CD14: variants seen among roughly 807,000 people sequenced by gnomAD.
CD14 encodes monocyte differentiation antigen CD14.
A neutral mutation model predicts 2.5 loss-of-function variants in CD14; 4 were observed. The observed-to-expected ratio is 1.63, with a 90% CI of 0.80 to 3.72. CD14 has a LOEUF of 3.72. CD14 is among the 30% of genes most tolerant of loss of function. The pLI is 0.01. For missense variants in CD14, 478 were observed against 497.8 expected, an observed-to-expected ratio of 0.96 and a Z score of 0.38; for synonymous variants, 236 against 235.1, an observed-to-expected ratio of 1.00 and a Z score of -0.04.
At chr5:140,633,021 C>T (rs756442657) in intron 1 of CD14, 41 bp from the exon 2 acceptor site, 3 of 1,614,178 alleles carry the variant, frequency 1.9e-6, no homozygotes, top group Non-Finnish European at 2.5e-6. Flanking sequence ...CATCCAACCC[C>T]TGTGGCTCCC....
chr5:140,632,831 A>T lies in CD14; in HGVS notation c.153T>A (p.Cys51Ter), dbSNP rs1204202805. 1 of 1,614,036 alleles carries T rather than the reference A, an allele frequency of 6.2e-7. No homozygotes were observed. Among genetic ancestry groups the T allele is most frequent in the East Asian group, 2.2e-5 (1 of 44,866 alleles). The change falls in exon 2 of 2, where the codon TGT (cysteine) becomes TGA (stop). Residue 51 changes from cysteine to a stop codon, truncating the protein, a stop_gained. Transcript: ENST00000302014. LOFTEE classifies it low-confidence loss of function (END_TRUNC). This position sits in a 1 kb window ranked among gnomAD's most constrained non-coding sequence, Gnocchi z 6.2. ...PQPDWSEAFQ[C>*]VSAVEVEIHA... The stretch of plus-strand genomic sequence containing the variant: ...GGATCTCCACCTCTACTGCAGACAC[A>T]CACTGGAAGGCTTCGGACCAGTCGG...
Position 140,632,927 on chromosome 5 carries a change from C to T in CD14, c.57G>A (p.Ala19=). The T allele has an allele frequency of 6.2e-7, 1 of 1,614,102 alleles. No individual in the cohort carries two copies. The highest frequency in any genetic ancestry group is 1.1e-5 in the South Asian group (1 of 91,072). The part of the protein sequence containing the change: ...LLLLPLVHVS[A]TTPEPCELDD... ...CCAGCTCACAAGGTTCTGGCGTGGT[C>T]GCAGAGACGTGCACCAGCGGCAGCA... is the stretch of plus-strand genomic sequence containing the variant. Residue 19 remains alanine, a synonymous_variant, in exon 2 of 2, where the codon GCG becomes GCA. Coordinates refer to ENST00000302014, the MANE Select transcript of CD14 (RefSeq NM_000591.4). This position sits in a 1 kb window ranked among gnomAD's most constrained non-coding sequence, Gnocchi z 6.2.
chr5:140,631,793 G>C lies in CD14; in HGVS notation c.*63C>G, dbSNP rs572346481. ...TTGAATTGGTCGAAAAGTCCTCAAC[G>C]TCCTGACGGGACTCCCCTGAAGCCA... is the stretch of plus-strand genomic sequence containing the variant. On this transcript the variant is annotated 3_prime_UTR_variant, in exon 2 of 2. Transcript: ENST00000302014. The C allele has an allele frequency of 6.9e-7, 1 of 1,447,914 alleles. No individual in the cohort carries two copies. Among genetic ancestry groups the C allele is most frequent in the African/African-American group, 1.4e-5 (1 of 70,570 alleles). The allele number at this position is 1,447,914 out of a possible 1,614,324, so 89.7% of individuals were successfully genotyped here.
At position 140,632,455 on chromosome 5, in the gene CD14, T is replaced by C; in HGVS notation, c.529A>G (p.Ile177Val). Residue 177 changes from isoleucine to valine, a missense_variant, in exon 2 of 2, where the codon ATT (isoleucine) becomes GTT (valine). Ile to Val is a conservative substitution (Grantham distance 29). Coordinates refer to ENST00000302014, the MANE Select transcript of CD14 (RefSeq NM_000591.4). This position sits in a 1 kb window ranked among gnomAD's most constrained non-coding sequence, Gnocchi z 6.2. ...WLKPGLKVLS[I>V]AQAHSPAFSC... ...AAGGCAGGCGAGTGTGCTTGGGCAA[T>C]GCTCAGTACCTTGAGGCCTGGCTTG... The C allele has an allele frequency of 1.9e-6, 3 of 1,614,196 alleles. No individual in the cohort carries two copies. The highest frequency in any genetic ancestry group is 2.5e-6 in the Non-Finnish European group (3 of 1,180,040).
rs762609261 is a variant in CD14 at position 140,632,192 on chromosome 5, G to T, written c.792C>A (p.Thr264=). Reference sequence around the variant, plus strand: ...TGCATCTCGGAGCGCTAGGGTTTACGGTGGCGCGCAGCGAGTTGTGGCTGA... The same window carrying T: ...TGCATCTCGGAGCGCTAGGGTTTACTGTGGCGCGCAGCGAGTTGTGGCTGA... ...LDLSHNSLRA[T]VNPSAPRCMW... is the part of the protein sequence containing the mutation. The change falls in exon 2 of 2, where the codon ACC becomes ACA. Residue 264 remains threonine, a synonymous_variant. Transcript: ENST00000302014. The surrounding 1 kb of genome is among the most constrained non-coding windows in gnomAD (Gnocchi z 6.2). 6.2e-7 allele frequency: 1 copy of T among 1,613,696 alleles called. No individual in the cohort carries two copies.
In CD14 at chr5:140,631,776, G is replaced by T; in HGVS notation, c.*80C>A. On this transcript the variant is annotated 3_prime_UTR_variant, in exon 2 of 2. Transcript: ENST00000302014. ...AAAGGTGGGGCAAAGGGTTGAATTG[G>T]TCGAAAAGTCCTCAACGTCCTGACG... 1 of 1,343,650 alleles carries T rather than the reference G, an allele frequency of 7.4e-7. No homozygotes were observed. Among genetic ancestry groups the T allele is most frequent in the Non-Finnish European group, 1.0e-6 (1 of 976,892 alleles). The allele number at this position is 1,343,650 out of a possible 1,614,324, so 83.2% of individuals were successfully genotyped here. A position where few individuals can be genotyped will look rare whatever the true frequency, so the allele number is the denominator to read the frequency against.
Position 140,632,879 on chromosome 5 carries a change from G to A in CD14, c.105C>T (p.Val35=). 1 of 1,614,200 alleles carries A rather than the reference G, an allele frequency of 6.2e-7. No homozygotes were observed. The highest frequency in any genetic ancestry group is 8.5e-7 in the Non-Finnish European group (1 of 1,180,032). Residue 35 remains valine, a synonymous_variant, in exon 2 of 2, where the codon GTC becomes GTT. Transcript: ENST00000302014. The surrounding 1 kb of genome is among the most constrained non-coding windows in gnomAD (Gnocchi z 6.2). The stretch of plus-strand genomic sequence containing the variant: ...CGGGCTGAGGTTCGGAGAAGTTGCA[G>A]ACGCAGCGGAAATCTTCATCGTCCA... ...CELDDEDFRC[V]CNFSEPQPDW...
Position 140,633,125 on chromosome 5 carries a change from A to C in CD14, c.-54T>G. ...TCCGGACAGGCTCTGGAAGTGCTTT[A>C]GCTTCTTTCCTACACAGCGGCACCC... is the stretch of plus-strand genomic sequence containing the variant. On this transcript the variant is annotated 5_prime_UTR_variant, in exon 1 of 2. Transcript: ENST00000302014. The C allele has an allele frequency of 1.9e-6, 3 of 1,612,032 alleles. No individual in the cohort carries two copies. The highest frequency in any genetic ancestry group is 3.3e-5 in the Admixed American group (2 of 59,836).
chr5:140,632,214 C>T lies in CD14; in HGVS notation c.770G>A (p.Ser257Asn), dbSNP rs561484655. 6 of 1,613,544 alleles carry T rather than the reference C, an allele frequency of 3.7e-6. No homozygotes were observed. In the South Asian group the frequency reaches 5.5e-5, roughly 15 times the overall value. Reference sequence around the variant, plus strand: ...TACGGTGGCGCGCAGCGAGTTGTGGCTGAGGTCTAGGCTGTGGGGCTGCAC... The same window carrying T: ...TACGGTGGCGCGCAGCGAGTTGTGGTTGAGGTCTAGGCTGTGGGGCTGCAC... Reference protein sequence around the residue: ...AGVQPHSLDLSHNSLRATVNP... With the variant: ...AGVQPHSLDLNHNSLRATVNP... The change falls in exon 2 of 2, where the codon AGC (serine) becomes AAC (asparagine). Residue 257 changes from serine (S) to asparagine (N), a missense_variant. Coordinates refer to ENST00000302014, the MANE Select transcript of CD14 (RefSeq NM_000591.4). The surrounding 1 kb of genome is among the most constrained non-coding windows in gnomAD (Gnocchi z 6.2).
rs376705908 is a variant in CD14 at position 140,632,340 on chromosome 5, G to A, written c.644C>T (p.Ala215Val). Reference sequence around the variant, plus strand: ...GGCCGGGAACTTGTGGGGACAGAGAGCCGCCATCAGTCCGCGTTCGCCCAG... The same window carrying A: ...GGCCGGGAACTTGTGGGGACAGAGAACCGCCATCAGTCCGCGTTCGCCCAG... ...PGLGERGLMA[A>V]LCPHKFPAIQ... The change falls in exon 2 of 2, where the codon GCT becomes GTT. Residue 215 changes from alanine to valine, a missense_variant. Physicochemically the swap from Ala to Val is moderately conservative, Grantham distance 64. Coordinates refer to ENST00000302014, the MANE Select transcript of CD14 (RefSeq NM_000591.4). The surrounding 1 kb of genome is among the most constrained non-coding windows in gnomAD (Gnocchi z 6.2). 22 of 1,614,104 alleles carry A rather than the reference G, an allele frequency of 1.4e-5. No homozygotes were observed. The South Asian group carries it at 1.4e-4, about 10-fold the overall frequency.
rs1323013200 is a variant in CD14 at position 140,632,360 on chromosome 5, G to A, written c.624C>T (p.Gly208=). 6.2e-7 allele frequency: 1 copy of A among 1,614,094 alleles called. No homozygotes were observed. Among genetic ancestry groups the A allele is most frequent in the Admixed American group, 1.7e-5 (1 of 60,034 alleles). The change falls in exon 2 of 2, where the codon GGC becomes GGT. Residue 208 remains glycine, a synonymous_variant. Transcript: ENST00000302014. This position sits in a 1 kb window ranked among gnomAD's most constrained non-coding sequence, Gnocchi z 6.2. ...SLDLSDNPGL[G]ERGLMAALCP... The stretch of plus-strand genomic sequence containing the variant: ...AGAGAGCCGCCATCAGTCCGCGTTC[G>A]CCCAGTCCAGGATTGTCAGACAGGT...
Position 140,631,824 on chromosome 5 carries a change from G to GT in CD14, c.*31dup. 1 of 1,517,846 alleles carries GT rather than the reference G, an allele frequency of 6.6e-7. No individual in the cohort carries two copies. The allele number at this position is 1,517,846 out of a possible 1,614,324, so 94.0% of individuals were successfully genotyped here. On this transcript the variant is annotated 3_prime_UTR_variant, in exon 2 of 2. Transcript: ENST00000302014. ...ACGGGACTCCCCTGAAGCCAAGGCA[G>GT]TTTGAGTCCATTCATTATTCTGTCT...
At position 140,631,738 on chromosome 5, in the gene CD14, T is replaced by C. The variant is rs1756578311; in HGVS notation, c.*118A>G. On this transcript the variant is annotated 3_prime_UTR_variant, in exon 2 of 2. Coordinates refer to ENST00000302014, the MANE Select transcript of CD14 (RefSeq NM_000591.4). ...TAAATGAATGACACGGACCCGTTGT[T>C]TAAGATTTTAATAAAGGTGGGGCAA... is the stretch of plus-strand genomic sequence containing the variant. The C allele has an allele frequency of 1.0e-6, 1 of 971,690 alleles. No individual in the cohort carries two copies. Among genetic ancestry groups the C allele is most frequent in the Non-Finnish European group, 1.6e-6 (1 of 641,658 alleles). 60.2% of individuals were successfully genotyped at this position (971,690 alleles called of 1,614,324 possible). A position where few individuals can be genotyped will look rare whatever the true frequency, so the allele number is the denominator to read the frequency against.
In CD14 at chr5:140,631,898, C is replaced by G. The variant is rs1248736613; in HGVS notation, c.1086G>C (p.Ser362=). ...CCCCTTGGAGCAGCACCAGGGTTCC[C>G]GACACCCCCACCGACAGGGTCGAAC... The part of the protein sequence containing the change: ...CARSTLSVGV[S]GTLVLLQGAR... Residue 362 remains serine, a synonymous_variant, in exon 2 of 2, where the codon TCG becomes TCC. Coordinates refer to ENST00000302014, the MANE Select transcript of CD14 (RefSeq NM_000591.4). 1 of 1,592,048 alleles carries G rather than the reference C, an allele frequency of 6.3e-7. No individual in the cohort carries two copies. The highest frequency in any genetic ancestry group is 8.6e-7 in the Non-Finnish European group (1 of 1,164,832).
At position 140,632,888 on chromosome 5, in the gene CD14, G is replaced by GAA; in HGVS notation, c.94_95dup (p.Arg33SerfsTer24). 1.2e-6 allele frequency: 2 copies of GAA among 1,614,206 alleles called. No individual in the cohort carries two copies. Among genetic ancestry groups the GAA allele is most frequent in the Non-Finnish European group, 1.7e-6 (2 of 1,180,040 alleles). On this transcript the variant is annotated frameshift_variant, in exon 2 of 2. Transcript: ENST00000302014. LOFTEE classifies it low-confidence loss of function (END_TRUNC). This position sits in a 1 kb window ranked among gnomAD's most constrained non-coding sequence, Gnocchi z 6.2. ...GTTCGGAGAAGTTGCAGACGCAGCGGAAATCTTCATCGTCCAGCTCACAAG... is the reference window on the plus strand; with the variant it reads ...GTTCGGAGAAGTTGCAGACGCAGCGGAAAAATCTTCATCGTCCAGCTCACAAG...
intron 1 of CD14, 32 bp from the exon 2 acceptor site, chr5:140,633,012 A>G: frequency 1.9e-6 from 3 of 1,614,090 alleles, no homozygotes; most frequent in Non-Finnish European, 2.5e-6. Context: ...AGGAGGCCCC[A>G]TCCAACCCCT....
rs1173990207 is a variant in CD14, at chr5:140,632,855, G to T, written c.129C>A (p.Pro43=). 6 of 1,614,074 alleles carry T rather than the reference G, an allele frequency of 3.7e-6. No individual in the cohort carries two copies. In the East Asian group the frequency reaches 1.3e-4, roughly 36 times the overall value. Reference sequence around the variant, plus strand: ...CACACTGGAAGGCTTCGGACCAGTCGGGCTGAGGTTCGGAGAAGTTGCAGA... The same window carrying T: ...CACACTGGAAGGCTTCGGACCAGTCTGGCTGAGGTTCGGAGAAGTTGCAGA... ...RCVCNFSEPQ[P]DWSEAFQCVS... is the part of the protein sequence containing the mutation. Residue 43 remains proline, a synonymous_variant, in exon 2 of 2, where the codon CCC becomes CCA. Coordinates refer to ENST00000302014, the MANE Select transcript of CD14 (RefSeq NM_000591.4). The surrounding 1 kb of genome is among the most constrained non-coding windows in gnomAD (Gnocchi z 6.2).
Position 140,632,464 on chromosome 5 carries a change from C to T in CD14, c.520G>A (p.Val174Ile). 4 of 1,614,192 alleles carry T rather than the reference C, an allele frequency of 2.5e-6. No individual in the cohort carries two copies. Among genetic ancestry groups the T allele is most frequent in the Non-Finnish European group, 2.5e-6 (3 of 1,180,052 alleles). Reference sequence around the variant, plus strand: ...GAGTGTGCTTGGGCAATGCTCAGTACCTTGAGGCCTGGCTTGAGCCACTGC... The same window carrying T: ...GAGTGTGCTTGGGCAATGCTCAGTATCTTGAGGCCTGGCTTGAGCCACTGC... ...LQQWLKPGLK[V>I]LSIAQAHSPA... The change falls in exon 2 of 2, where the codon GTA (valine) becomes ATA (isoleucine). Residue 174 changes from valine to isoleucine, a missense_variant. By Grantham distance (29) the Val-to-Ile change is conservative. Transcript: ENST00000302014. This position sits in a 1 kb window ranked among gnomAD's most constrained non-coding sequence, Gnocchi z 6.2.
chr5:140,631,785 T>A lies in CD14; in HGVS notation c.*71A>T, dbSNP rs1756579808. 7.1e-6 allele frequency: 10 copies of A among 1,406,082 alleles called. No individual in the cohort carries two copies. Among genetic ancestry groups the A allele is most frequent in the Non-Finnish European group, 9.7e-6 (10 of 1,033,608 alleles). 87.1% of individuals were successfully genotyped at this position (1,406,082 alleles called of 1,614,324 possible). On this transcript the variant is annotated 3_prime_UTR_variant, in exon 2 of 2. Coordinates refer to ENST00000302014, the MANE Select transcript of CD14 (RefSeq NM_000591.4). ...GCAAAGGGTTGAATTGGTCGAAAAGTCCTCAACGTCCTGACGGGACTCCCC... is the reference window on the plus strand; with the variant it reads ...GCAAAGGGTTGAATTGGTCGAAAAGACCTCAACGTCCTGACGGGACTCCCC...
Sources: allele counts gnomAD v4.1 joint callset, GRCh38; gene constraint gnomAD v4.1.1; non-coding constraint Gnocchi (gnomAD v3.1); transcripts MANE v1.5; gene names NCBI Gene and HGNC (gene_info 2026-07-23, HGNC 2026-07-21).